The following DLGAP4 variants were observed in gnomAD, a reference collection of about 807,000 sequenced individuals.
DLGAP4 encodes the protein disks large-associated protein 4.
Under a neutral mutation model 86.9 loss-of-function variants are expected in DLGAP4, and 18 were observed. That is an observed-to-expected ratio of 0.21 (90% CI 0.14 to 0.31). The LOEUF (loss-of-function observed/expected upper bound fraction) is 0.31, where lower values mean the gene tolerates loss of function less well. Ranked by LOEUF, DLGAP4 falls within the 10% of genes least tolerant of loss-of-function variation. The pLI is 1.00. For missense variants in DLGAP4, 1,085 were observed against 1,362.6 expected (o/e 0.80, Z 3.21); for synonymous variants, 548 against 574.3 (o/e 0.95, Z 0.65).
chr20:36,440,728 C>A (rs1162665859), intron 5 of DLGAP4, among the ~76,000 whole-genome samples: 1 of 151,928 alleles, frequency 6.6e-6, no homozygotes, highest in Non-Finnish European at 1.5e-5. Flanking sequence ...AAAGGGAGAA[C>A]CAGGCAGGAC....
intron 1 of DLGAP4, among the ~76,000 whole-genome samples, chr20:36,352,224 A>T (rs1418120092): frequency 6.6e-6 from 1 of 152,150 alleles, no homozygotes; most frequent in African/African-American, 2.4e-5. Context: ...GGGCGATGGC[A>T]GAGACGCACA....
chr20:36,389,200 C>T (rs983412103), intron 2 of DLGAP4, among the ~76,000 whole-genome samples: 10 of 152,134 alleles, frequency 6.6e-5, no homozygotes, highest in Non-Finnish European at 4.4e-5. Flanking sequence ...GGGAGGATTC[C>T]AGGCCTGATG....
At chr20:36,512,047 ATTTTTTT>A (rs72011781) in intron 10 of DLGAP4, among the ~76,000 whole-genome samples, 1 of 116,088 alleles carries the variant, frequency 8.6e-6, no homozygotes, top group Non-Finnish European at 1.7e-5. Context: ...TGTCTCTCTG[ATTTTTTT>A]TTTTTTTTTT....
chr20:36,523,965 T>G (rs140128117), intron 10 of DLGAP4, among the ~76,000 whole-genome samples: 2 of 152,338 alleles, frequency 1.3e-5, no homozygotes, highest in East Asian at 3.9e-4. Flanking sequence ...GCAGCCTCTC[T>G]TAAGACCATG....
chr20:36,427,275 G>C (rs1231231356), intron 2 of DLGAP4, among the ~76,000 whole-genome samples: 1 of 152,106 alleles, frequency 6.6e-6, no homozygotes, highest in Admixed American at 6.6e-5. Context: ...TCAGGAGTTA[G>C]AGACCAGCCT....
At chr20:36,376,633 T>C (rs1805367862) in intron 2 of DLGAP4, among the ~76,000 whole-genome samples, 2 of 149,340 alleles carry the variant, frequency 1.3e-5, no homozygotes, top group African/African-American at 5.0e-5. Context: ...AGAGAGAGAG[T>C]TAGGAGGGTG....
chr20:36,336,814 G>A (rs2065327119), intron 1 of DLGAP4, among the ~76,000 whole-genome samples: 1 of 152,158 alleles, frequency 6.6e-6, no homozygotes. Context: ...GTGGGCGTCA[G>A]TCCAGCTTTG....
chr20:36,499,755 C>T (rs945720590), intron 9 of DLGAP4, 79 bp downstream of exon 9: 139 of 1,341,458 alleles, frequency 1.0e-4, no homozygotes, highest in African/African-American at 1.4e-4. Flanking sequence ...CTCTCCCTAA[C>T]CCACTTCTCC....
chr20:36,464,616 G>A (rs1465977814), intron 7 of DLGAP4, among the ~76,000 whole-genome samples: 5 of 152,036 alleles, frequency 3.3e-5, no homozygotes, highest in African/African-American at 9.7e-5. Context: ...TTGGGAGGCC[G>A]AGGCGGGCAG....
At chr20:36,493,574 T>C (rs1450448154) in intron 7 of DLGAP4, among the ~76,000 whole-genome samples, 1 of 152,020 alleles carries the variant, frequency 6.6e-6, no homozygotes, top group Non-Finnish European at 1.5e-5. Context: ...AGATTTTGGT[T>C]TGTTGTGCCC....
At chr20:36,514,028 T>C (rs189115877) in intron 10 of DLGAP4, among the ~76,000 whole-genome samples, 4 of 152,242 alleles carry the variant, frequency 2.6e-5, no homozygotes, top group Admixed American at 2.0e-4. Context: ...AAGATGAGAA[T>C]GCCTAATAAG....
chr20:36,377,858 T>A (rs1330492444), intron 2 of DLGAP4, among the ~76,000 whole-genome samples: 1 of 152,210 alleles, frequency 6.6e-6, no homozygotes, highest in Non-Finnish European at 1.5e-5. Context: ...GACGCTGGAA[T>A]CAGCTCTTCG....
chr20:36,421,694 T>C (rs534562895), intron 2 of DLGAP4, among the ~76,000 whole-genome samples: 8 of 152,024 alleles, frequency 5.3e-5, no homozygotes, highest in Admixed American at 1.3e-4. Flanking sequence ...TCCCGGTTTC[T>C]GACCTGAACA....
chr20:36,345,849 T>C (rs4541297), intron 1 of DLGAP4, among the ~76,000 whole-genome samples: 103,511 of 151,900 alleles, frequency 0.68, 35,530 homozygotes, highest in Middle Eastern at 0.77. Context: ...CCTTGACCTC[T>C]CAGGCTCAAG....
At position 36,393,447 on chromosome 20, in the gene DLGAP4, G is replaced by T. The variant is rs1215432282; in HGVS notation, c.-73+26172G>T. Among the ~76,000 whole-genome samples, 1 of 152,108 alleles carries T rather than the reference G, an allele frequency of 6.6e-6. No individual in the cohort carries two copies. Among genetic ancestry groups the T allele is most frequent in the Non-Finnish European group, 1.5e-5 (1 of 67,994 alleles). On this transcript the variant is annotated intron_variant, in intron 2 of 12. Transcript: ENST00000339266. The surrounding 1 kb of genome is among the most constrained non-coding windows in gnomAD (Gnocchi z 4.4). ...CCGGCTGCTAACTTACGAAGTGCTGGGCTCCTGGGAGACGCTCTGGGGTCT... is the reference window on the plus strand; with the variant it reads ...CCGGCTGCTAACTTACGAAGTGCTGTGCTCCTGGGAGACGCTCTGGGGTCT...
At chr20:36,336,415 C>G (rs782350724) in intron 1 of DLGAP4, among the ~76,000 whole-genome samples, 24 of 152,180 alleles carry the variant, frequency 1.6e-4, no homozygotes, top group Admixed American at 3.9e-4. Context: ...GTCGCCTCCT[C>G]AAAGAGCCCT....
chr20:36,476,706 T>TTG (rs2034952846), intron 7 of DLGAP4, among the ~76,000 whole-genome samples: 7 of 100,692 alleles, frequency 7.0e-5, no homozygotes, highest in African/African-American at 2.9e-4. Context: ...TTTTTTTTGG[T>TTG]TTTTTTTTTT....
intron 7 of DLGAP4, among the ~76,000 whole-genome samples, chr20:36,467,059 T>TCTCC (rs2034436042): frequency 1.7e-5 from 1 of 59,908 alleles, no homozygotes; most frequent in South Asian, 4.6e-4. Context: ...TCTCTCTCTC[T>TCTCC]CTCTCCCCCC....
At chr20:36,318,106 TCACACA>T (rs1156543199) in intron 1 of DLGAP4, among the ~76,000 whole-genome samples, 22,488 of 138,952 alleles carry the variant, frequency 0.16, 1,788 homozygotes, top group African/African-American at 0.19. Flanking sequence ...ATGTGTCCTC[TCACACA>T]CACACACACA....
Sources: gnomAD v4.1 joint callset for allele counts (sites outside exome capture counted in the v4.1 genomes callset) on GRCh38, gnomAD v4.1.1 for gene constraint, Gnocchi (gnomAD v3.1) non-coding constraint, MANE v1.5 for transcripts, NCBI Gene and HGNC (gene_info 2026-07-23, HGNC 2026-07-21) for gene names.